Variants in MRPL49 observed in about 807,000 individuals in gnomAD.
The protein encoded by MRPL49 is mitochondrial ribosomal protein L49, also known as large ribosomal subunit protein mL49.
MRPL49 carries 14 observed loss-of-function variants against 18.4 expected under a neutral mutation model. The ratio of observed to expected loss-of-function variants is 0.76; its 90% CI spans 0.50 to 1.19. The LOEUF (loss-of-function observed/expected upper bound fraction) is 1.19. Among genes scored for constraint, MRPL49 ranks in the 50% most tolerant of loss-of-function variants. MRPL49 has a pLI of 0.00. For synonymous variants in MRPL49, 104 were observed against 86.2 expected, an observed-to-expected ratio of 1.21 and a Z score of -1.14; for missense variants, 190 against 217.8, an observed-to-expected ratio of 0.87 and a Z score of 0.80.
At chr11:65,125,633 G>A in intron 3 of MRPL49, 21 bp downstream of exon 3, 1 of 1,613,982 alleles carries the variant, frequency 6.2e-7, no homozygotes, top group Non-Finnish European at 8.5e-7. Flanking sequence ...GGGTGGGTCT[G>A]GGACTGGGCC....
rs1348494809 is a variant in MRPL49, at chr11:65,122,410, G to C, written c.64G>C (p.Gly22Arg). The change falls in exon 1 of 4, where the codon GGG becomes CGG. Residue 22 changes from glycine (G) to arginine (R), a missense_variant. Gly to Arg is a moderately radical substitution (Grantham distance 125). Transcript: ENST00000279242. ...GAGAACCGGTGTCCAGCGGGGCTGCGGGCTACGGCTGTTGGTGAGAGCGCT... is the reference window on the plus strand; with the variant it reads ...GAGAACCGGTGTCCAGCGGGGCTGCCGGCTACGGCTGTTGGTGAGAGCGCT... ...GWRTGVQRGCGLRLLSQTQGP... is the reference protein window; with the variant it reads ...GWRTGVQRGCRLRLLSQTQGP... The C allele has an allele frequency of 6.2e-7, 1 of 1,612,716 alleles. No homozygotes were observed. Among genetic ancestry groups the C allele is most frequent in the South Asian group, 1.1e-5 (1 of 90,908 alleles).
rs1948097530 is a variant in MRPL49, at chr11:65,125,997, T to TG, written c.*129dup. On this transcript the variant is annotated 3_prime_UTR_variant, in exon 4 of 4. Coordinates refer to ENST00000279242, the MANE Select transcript of MRPL49 (RefSeq NM_004927.4). ...TACAGAAACTAGGGCTAAAGGACTT[T>TG]GGGGTCAGGCCTTGCTTGCATAAAG... The TG allele has an allele frequency of 8.4e-7, 1 of 1,192,944 alleles. No homozygotes were observed. The highest frequency in any genetic ancestry group is 1.6e-5 in the South Asian group (1 of 64,454). 73.9% of individuals were successfully genotyped at this position (1,192,944 alleles called of 1,614,324 possible).
intron 2 of MRPL49, chr11:65,125,170 G>A (rs547883578): frequency 1.0e-5 from 4 of 387,618 alleles, no homozygotes; most frequent in Admixed American, 4.6e-5. Context: ...GATTGATTTC[G>A]GCCTCCCTGA....
rs191504025 is a variant in MRPL49, at chr11:65,122,445, G to A, written c.78+21G>A. The A allele has an allele frequency of 3.8e-4, 607 of 1,604,976 alleles. 1 individual carries two copies. Among genetic ancestry groups the A allele is most frequent in the Non-Finnish European group, 4.6e-4 (543 of 1,175,614 alleles). ...TGTTGGTGAGAGCGCTGAGCGAGGA[G>A]CTGAGGGCATCGCGTGGGTGTGAGG... On this transcript the variant is annotated intron_variant, in intron 1 of 3. Transcript: ENST00000279242.
At chr11:65,122,231 G>C (rs1565334229), upstream of MRPL49, 5 of 1,143,868 alleles carry the variant, frequency 4.4e-6, no homozygotes, top group Non-Finnish European at 5.0e-6. Context: ...GCCCAAGGCA[G>C]TCCTAGCTCC....
At chr11:65,122,320 C>G, upstream of MRPL49, 2 of 1,608,114 alleles carry the variant, frequency 1.2e-6, no homozygotes, top group Non-Finnish European at 1.7e-6. Context: ...CAGTTGCGCG[C>G]ACAGAAGGCT....
chr11:65,123,821 A>G (rs866238650), intron 1 of MRPL49, among the ~76,000 whole-genome samples: 3 of 152,342 alleles, frequency 2.0e-5, no homozygotes, highest in Middle Eastern at 3.4e-3. Context: ...AAGGATGAAT[A>G]ACATGGGTGG....
Position 65,125,739 on chromosome 11 carries a change from A to T in MRPL49, c.368A>T (p.Asp123Val). The change falls in exon 4 of 4, where the codon GAC becomes GTC. Residue 123 changes from aspartate (D) to valine (V), a missense_variant. By Grantham distance (152) the Asp-to-Val change is radical. Coordinates refer to ENST00000279242, the MANE Select transcript of MRPL49 (RefSeq NM_004927.4). ...ATCTTTCCCCAGGCCCTGCAGAAAG[A>T]CGTGGAAGATTTTCTGAGCCCGCTG... ...VEGDIWALQK[D>V]VEDFLSPLLG... 1 of 1,613,860 alleles carries T rather than the reference A, an allele frequency of 6.2e-7. No individual in the cohort carries two copies. Among genetic ancestry groups the T allele is most frequent in the South Asian group, 1.1e-5 (1 of 91,062 alleles).
rs774112746 is a variant in MRPL49, at chr11:65,122,402, G to A, written c.56G>A (p.Arg19Gln). 6.2e-7 allele frequency: 1 copy of A among 1,612,932 alleles called. No homozygotes were observed. The highest frequency in any genetic ancestry group is 1.7e-5 in the Admixed American group (1 of 59,938). Reference protein sequence around the residue: ...TLRGWRTGVQRGCGLRLLSQT... With the variant: ...TLRGWRTGVQQGCGLRLLSQT... ...CGGGGATGGAGAACCGGTGTCCAGCGGGGCTGCGGGCTACGGCTGTTGGTG... is the reference window on the plus strand; with the variant it reads ...CGGGGATGGAGAACCGGTGTCCAGCAGGGCTGCGGGCTACGGCTGTTGGTG... The change falls in exon 1 of 4, where the codon CGG becomes CAG. Residue 19 changes from arginine to glutamine, a missense_variant. Arg to Gln is a conservative substitution (Grantham distance 43). Coordinates refer to ENST00000279242, the MANE Select transcript of MRPL49 (RefSeq NM_004927.4).
intron 3 of MRPL49, 38 bp from the exon 4 acceptor site, chr11:65,125,688 G>A: frequency 6.2e-7 from 1 of 1,611,766 alleles, no homozygotes; most frequent in South Asian, 1.1e-5. Context: ...TTAAGGGAAG[G>A]GACTCTTGGC....
At chr11:65,125,359 AC>A (rs2137225437) in intron 2 of MRPL49, 128 bp from the exon 3 acceptor site, 7 of 1,202,004 alleles carry the variant, frequency 5.8e-6, no homozygotes, top group East Asian at 2.4e-5. Context: ...AGACCCCCTG[AC>A]CTAAAGTCTG....
At position 65,122,343 on chromosome 11, in the gene MRPL49, A is replaced by C. The variant is rs759559136; in HGVS notation, c.-4A>C. 10 of 1,611,948 alleles carry C rather than the reference A, an allele frequency of 6.2e-6. No homozygotes were observed. The South Asian group carries it at 1.1e-4, about 18-fold the overall frequency. On this transcript the variant is annotated 5_prime_UTR_variant, in exon 1 of 4. Coordinates refer to ENST00000279242, the MANE Select transcript of MRPL49 (RefSeq NM_004927.4). ...CGCACAGAAGGCTGGCGTAGCAGGTAAAGATGGCAGCTACCATGTTCCGGG... is the reference window on the plus strand; with the variant it reads ...CGCACAGAAGGCTGGCGTAGCAGGTCAAGATGGCAGCTACCATGTTCCGGG...
chr11:65,126,915 C>A lies in MRPL49; in HGVS notation c.*1043C>A. On this transcript the variant is annotated 3_prime_UTR_variant, in exon 4 of 4. Transcript: ENST00000279242. The stretch of plus-strand genomic sequence containing the variant: ...GGTTTGCAGGCAGGAATATGCTGAC[C>A]TTTCACCCTGCCATCCCATCCCAAC... 1 of 641,882 alleles carries A rather than the reference C, an allele frequency of 1.6e-6. No individual in the cohort carries two copies. The highest frequency in any genetic ancestry group is 1.7e-5 in the South Asian group (1 of 58,744). 39.8% of individuals were successfully genotyped at this position (641,882 alleles called of 1,614,324 possible). A position where few individuals can be genotyped will look rare whatever the true frequency, so the allele number is the denominator to read the frequency against.
intron 2 of MRPL49, 95 bp downstream of exon 2, chr11:65,124,747 T>C: frequency 7.1e-7 from 1 of 1,416,562 alleles, no homozygotes; most frequent in Non-Finnish European, 9.6e-7. Context: ...GACTCTCCAG[T>C]GGGTTCAGGA....
Position 65,122,720 on chromosome 11 carries a change from C to CTTT in MRPL49, c.78+311_78+313dup, listed in dbSNP as rs11445335. Among the ~76,000 whole-genome samples the CTTT allele has an allele frequency of 1.4e-3, 177 of 130,854 alleles. 4 individuals are homozygous for CTTT. Among genetic ancestry groups the CTTT allele is most frequent in the African/African-American group, 3.8e-3 (135 of 35,194 alleles). 85.8% of individuals were successfully genotyped at this position (130,854 alleles called of 152,430 possible). ...GTGGGGAATTATGATTGCCTTAATTCTTTTTTTTTTTTTTTTTGAGACGGA... is the reference window on the plus strand; with the variant it reads ...GTGGGGAATTATGATTGCCTTAATTCTTTTTTTTTTTTTTTTTTTTGAGACGGA... On this transcript the variant is annotated intron_variant, in intron 1 of 3. Coordinates refer to ENST00000279242, the MANE Select transcript of MRPL49 (RefSeq NM_004927.4).
chr11:65,127,303 C>G lies in MRPL49; in HGVS notation c.*1431C>G. 1.1e-5 allele frequency: 5 copies of G among 453,184 alleles called. No homozygotes were observed. Among genetic ancestry groups the G allele is most frequent in the Non-Finnish European group, 1.9e-5 (5 of 256,988 alleles). 28.1% of individuals were successfully genotyped at this position (453,184 alleles called of 1,614,324 possible). A position where few individuals can be genotyped will look rare whatever the true frequency, so the allele number is the denominator to read the frequency against. Reference sequence around the variant, plus strand: ...ATTGTTAATGCAAGTTTTTATTTGGCTGTATATACAATTTAAGCTATTAAA... The same window carrying G: ...ATTGTTAATGCAAGTTTTTATTTGGGTGTATATACAATTTAAGCTATTAAA... On this transcript the variant is annotated 3_prime_UTR_variant, in exon 4 of 4. Coordinates refer to ENST00000279242, the MANE Select transcript of MRPL49 (RefSeq NM_004927.4).
At position 65,125,994 on chromosome 11, in the gene MRPL49, C is replaced by T. The variant is rs1049689943; in HGVS notation, c.*122C>T. The T allele has an allele frequency of 1.4e-5, 17 of 1,225,720 alleles. No homozygotes were observed. In the African/African-American group the frequency reaches 2.4e-4, roughly 18 times the overall value. 75.9% of individuals were successfully genotyped at this position (1,225,720 alleles called of 1,614,324 possible). ...GGATACAGAAACTAGGGCTAAAGGA[C>T]TTTGGGGTCAGGCCTTGCTTGCATA... is the stretch of plus-strand genomic sequence containing the variant. On this transcript the variant is annotated 3_prime_UTR_variant, in exon 4 of 4. Transcript: ENST00000279242.
At chr11:65,125,107 C>A in intron 2 of MRPL49, 1 of 319,468 alleles carries the variant, frequency 3.1e-6, no homozygotes, top group Non-Finnish European at 5.8e-6. Flanking sequence ...AGTGCAGAGC[C>A]CAGCATATGG....
rs150819322 is a variant in MRPL49, at chr11:65,125,740, C to T, written c.369C>T (p.Asp123=). The T allele has an allele frequency of 1.4e-5, 22 of 1,613,722 alleles. No homozygotes were observed. Among genetic ancestry groups the T allele is most frequent in the African/African-American group, 1.2e-4 (9 of 74,890 alleles). ...VEGDIWALQK[D]VEDFLSPLLG... ...TCTTTCCCCAGGCCCTGCAGAAAGACGTGGAAGATTTTCTGAGCCCGCTGC... is the reference window on the plus strand; with the variant it reads ...TCTTTCCCCAGGCCCTGCAGAAAGATGTGGAAGATTTTCTGAGCCCGCTGC... Residue 123 remains aspartate, a synonymous_variant, in exon 4 of 4, where the codon GAC becomes GAT. Coordinates refer to ENST00000279242, the MANE Select transcript of MRPL49 (RefSeq NM_004927.4).
Sources: gnomAD v4.1 joint callset for allele counts (sites outside exome capture counted in the v4.1 genomes callset) on GRCh38, gnomAD v4.1.1 for gene constraint, MANE v1.5 for transcripts, NCBI Gene and HGNC (gene_info 2026-07-23, HGNC 2026-07-21) for gene names.